ZSCAN21: variants seen among roughly 807,000 people sequenced by gnomAD.
ZSCAN21 encodes the protein zinc finger and SCAN domain containing 21.
ZSCAN21 carries 26 observed loss-of-function variants against 35.6 expected under a neutral mutation model. That is an observed-to-expected ratio of 0.73 (90% CI 0.54 to 1.01). The LOEUF is 1.01. Ranked by LOEUF, ZSCAN21 falls within the 50% of genes least tolerant of loss-of-function variation. The pLI is 0.00. For synonymous variants in ZSCAN21, 219 were observed against 219.3 expected (o/e 1.00, Z 0.01); for missense variants, 593 against 587.1 (o/e 1.01, Z -0.10).
At chr7:100,054,594 T>C (rs1211589181) in intron 1 of ZSCAN21, among the ~76,000 whole-genome samples, 1 of 152,052 alleles carries the variant, frequency 6.6e-6, no homozygotes, top group Non-Finnish European at 1.5e-5. Flanking sequence ...TAATTCTGTA[T>C]GCATTTTTTT....
At chr7:100,051,201 A>AAAAG (rs1791855892) in intron 1 of ZSCAN21, among the ~76,000 whole-genome samples, 1 of 145,068 alleles carries the variant, frequency 6.9e-6, no homozygotes, top group Non-Finnish European at 1.5e-5. Flanking sequence ...AAAAAAAAAA[A>AAAAG]AAGGAAGAAC....
chr7:100,059,078 G>A (rs1391645985), intron 3 of ZSCAN21, among the ~76,000 whole-genome samples: 1 of 152,202 alleles, frequency 6.6e-6, no homozygotes, highest in African/African-American at 2.4e-5. Flanking sequence ...TTGCTTACGT[G>A]TTGGTGGTGT....
chr7:100,063,554 G>A (rs1442125229), intron 3 of ZSCAN21, among the ~76,000 whole-genome samples: 1 of 151,830 alleles, frequency 6.6e-6, no homozygotes, highest in East Asian at 1.9e-4. Flanking sequence ...GTGAGCTGAG[G>A]TCACCTGCAT....
intron 3 of ZSCAN21, among the ~76,000 whole-genome samples, chr7:100,062,211 C>A (rs1220969608): frequency 3.3e-5 from 5 of 151,088 alleles, no homozygotes; most frequent in Non-Finnish European, 7.4e-5. Flanking sequence ...TTGTCCTTGT[C>A]ATTTTCCTTA....
intron 3 of ZSCAN21, among the ~76,000 whole-genome samples, chr7:100,060,905 G>A (rs993412586): frequency 6.8e-6 from 1 of 146,528 alleles, no homozygotes; most frequent in African/African-American, 2.5e-5. Flanking sequence ...ACAAAAATTA[G>A]TCGAGTGTAT....
chr7:100,056,712 T>C (rs574512664), intron 1 of ZSCAN21, among the ~76,000 whole-genome samples, 199 bp from the exon 2 acceptor site: 24 of 152,092 alleles, frequency 1.6e-4, no homozygotes, highest in Middle Eastern at 3.4e-3. Flanking sequence ...GATCCACCCG[T>C]CTCAGCCTCC....
rs1226654740 is a variant in ZSCAN21 at position 100,057,366 on chromosome 7, C to T, written c.360C>T (p.Leu120=). ...PESAEEAVTL[L]EDLERELDEP... is the part of the protein sequence containing the mutation. ...GCGCTGAAGAGGCTGTCACTCTCCT[C>T]GAAGATCTGGAGCGGGAACTGGATG... The change falls in exon 2 of 4, where the codon CTC becomes CTT. Residue 120 remains leucine, a synonymous_variant. Transcript: ENST00000292450. 3.8e-6 allele frequency: 6 copies of T among 1,576,328 alleles called. No individual in the cohort carries two copies. The Admixed American group carries it at 5.5e-5, about 15-fold the overall frequency.
chr7:100,061,130 A>C (rs1792275845), intron 3 of ZSCAN21, among the ~76,000 whole-genome samples: 1 of 152,216 alleles, frequency 6.6e-6, no homozygotes, highest in Non-Finnish European at 1.5e-5. Flanking sequence ...GACTGATGAC[A>C]AACTACCCAA....
In ZSCAN21 at chr7:100,064,158, C is replaced by G. The variant is rs1562851156; in HGVS notation, c.963C>G (p.Thr321=). The change falls in exon 4 of 4, where the codon ACC becomes ACG. Residue 321 remains threonine, a synonymous_variant. Transcript: ENST00000292450. ...GKAFSHSSNL[T]LHYRTHLVDR... The stretch of plus-strand genomic sequence containing the variant: ...CTTTCAGCCACAGCTCAAACCTCAC[C>G]CTCCACTACAGAACACACTTGGTGG... 3.7e-6 allele frequency: 6 copies of G among 1,613,924 alleles called. No homozygotes were observed. Among genetic ancestry groups the G allele is most frequent in the Non-Finnish European group, 5.1e-6 (6 of 1,180,012 alleles).
Position 100,051,282 on chromosome 7 carries a change from C to CTTTTT in ZSCAN21, c.-97+1466_-97+1470dup, listed in dbSNP as rs1164734568. 1.2e-3 allele frequency among the ~76,000 whole-genome samples: 43 copies of CTTTTT among 34,962 alleles called. 4 individuals carry two copies. Among genetic ancestry groups the CTTTTT allele is most frequent in the Admixed American group, 1.9e-3 (4 of 2,150 alleles). 22.9% of individuals were successfully genotyped at this position (34,962 alleles called of 152,430 possible). ...GGCTGCCTAGGGATCTAGGGATTTT[C>CTTTTT]TTTTTTTTTTTTTTTTTTTTTTTTT... On this transcript the variant is annotated intron_variant, in intron 1 of 3. Transcript: ENST00000292450.
intron 1 of ZSCAN21, among the ~76,000 whole-genome samples, chr7:100,053,773 T>G (rs1048116161): frequency 1.3e-5 from 2 of 151,960 alleles, no homozygotes; most frequent in African/African-American, 4.8e-5. Context: ...TATATTTTTT[T>G]AGGTTTAACA....
At position 100,065,036 on chromosome 7, in the gene ZSCAN21, T is replaced by A. The variant is rs2116191056; in HGVS notation, c.*419T>A. On this transcript the variant is annotated 3_prime_UTR_variant, in exon 4 of 4. Coordinates refer to ENST00000292450, the MANE Select transcript of ZSCAN21 (RefSeq NM_145914.3). ...GATTCAGAATAAACTTATAACATCT[T>A]GTAATGCCTCAGGACTATTATTATA... The A allele has an allele frequency of 8.1e-7, 1 of 1,229,358 alleles. No homozygotes were observed. The highest frequency in any genetic ancestry group is 1.1e-6 in the Non-Finnish European group (1 of 877,186). The allele number at this position is 1,229,358 out of a possible 1,614,324, so 76.2% of individuals were successfully genotyped here.
Position 100,064,594 on chromosome 7 carries a change from A to G in ZSCAN21, c.1399A>G (p.Thr467Ala), listed in dbSNP as rs745571007. Residue 467 changes from threonine (T) to alanine (A), a missense_variant, in exon 4 of 4, where the codon ACT becomes GCT. By Grantham distance (58) the Thr-to-Ala change is moderately conservative (BLOSUM62 0). Coordinates refer to ENST00000292450, the MANE Select transcript of ZSCAN21 (RefSeq NM_145914.3). ...SNLSKHQRVHTGEGEAP is the reference protein window; with the variant it reads ...SNLSKHQRVHAGEGEAP The stretch of plus-strand genomic sequence containing the variant: ...TCTTTCCAAACATCAGCGAGTCCAC[A>G]CTGGAGAGGGAGAAGCACCGTAACT... 1.2e-6 allele frequency: 2 copies of G among 1,614,094 alleles called. No individual in the cohort carries two copies.
At chr7:100,056,733 G>A (rs1290833164) in intron 1 of ZSCAN21, among the ~76,000 whole-genome samples, 178 bp from the exon 2 acceptor site, 2 of 152,166 alleles carry the variant, frequency 1.3e-5, no homozygotes, top group East Asian at 3.8e-4. Flanking sequence ...CAAAGTGCTG[G>A]AATTATAGGC....
chr7:100,054,553 G>A (rs950294921), intron 1 of ZSCAN21, among the ~76,000 whole-genome samples: 3 of 151,970 alleles, frequency 2.0e-5, no homozygotes, highest in African/African-American at 7.2e-5. Context: ...CCCCGCCTTA[G>A]TTATAGTGCT....
chr7:100,053,535 A>ATACATACC (rs1791962225), intron 1 of ZSCAN21, among the ~76,000 whole-genome samples: 2 of 145,358 alleles, frequency 1.4e-5, no homozygotes, highest in Admixed American at 1.4e-4. Flanking sequence ...ACATACATAC[A>ATACATACC]TACATACATA....
rs1359464258 is a variant in ZSCAN21 at position 100,064,633 on chromosome 7, G to C, written c.*16G>C. 6.2e-7 allele frequency: 1 copy of C among 1,604,666 alleles called. No homozygotes were observed. Reference sequence around the variant, plus strand: ...AGCACCGTAACTTTCAAGCGCTCCTGTTGTTGTCGTTGTTTTAAACTTTAG... The same window carrying C: ...AGCACCGTAACTTTCAAGCGCTCCTCTTGTTGTCGTTGTTTTAAACTTTAG... On this transcript the variant is annotated 3_prime_UTR_variant, in exon 4 of 4. Transcript: ENST00000292450.
chr7:100,050,576 T>G (rs1791822652), intron 1 of ZSCAN21, among the ~76,000 whole-genome samples: 1 of 152,014 alleles, frequency 6.6e-6, no homozygotes. Context: ...AGCGCGCCTG[T>G]AATCCCAGCT....
At position 100,057,072 on chromosome 7, in the gene ZSCAN21, G is replaced by A. The variant is rs1792098400; in HGVS notation, c.66G>A (p.Gly22=). The change falls in exon 2 of 4, where the codon GGG becomes GGA. Residue 22 remains glycine (G), a synonymous_variant. Transcript: ENST00000292450. ...CTAGGCCTCCACAGGAGCAGGTGGG[G>A]CCTCTGATGGTAAAAGTCGAGGAGA... ...LGPRPPQEQV[G]PLMVKVEEKE... The A allele has an allele frequency of 1.2e-6, 2 of 1,614,122 alleles. No individual in the cohort carries two copies. The highest frequency in any genetic ancestry group is 1.1e-5 in the South Asian group (1 of 91,084).
Sources: allele counts gnomAD v4.1 joint callset (sites outside exome capture counted in the v4.1 genomes callset), GRCh38; gene constraint gnomAD v4.1.1; transcripts MANE v1.5; gene names NCBI Gene and HGNC (gene_info 2026-07-23, HGNC 2026-07-21).